Variants in SHANK2 observed in about 807,000 individuals in gnomAD.
The protein encoded by SHANK2 is SH3 and multiple ankyrin repeat domains protein 2.
In SHANK2, 43 loss-of-function variants were observed where a neutral mutation model predicts 133.7. That is an observed-to-expected ratio of 0.32 (90% CI 0.25 to 0.41). The LOEUF (loss-of-function observed/expected upper bound fraction) is 0.41. Ranked by LOEUF, SHANK2 falls within the 10% of genes least tolerant of loss-of-function variation. SHANK2 has a pLI of 1.00. For synonymous variants in SHANK2, 1,017 were observed against 952.8 expected, an observed-to-expected ratio of 1.07 and a Z score of -1.24; for missense variants, 1,994 against 2,235.8, an observed-to-expected ratio of 0.89 and a Z score of 2.18.
chr11:70,795,501 G>A (rs1022209588), intron 14 of SHANK2, among the ~76,000 whole-genome samples: 1 of 151,384 alleles, frequency 6.6e-6, no homozygotes, highest in East Asian at 1.9e-4. Context: ...CGCCTCCCAG[G>A]TTCAAGCAAT....
chr11:71,099,160 G>C (rs949930051), intron 6 of SHANK2, among the ~76,000 whole-genome samples: 12 of 152,142 alleles, frequency 7.9e-5, no homozygotes, highest in African/African-American at 1.9e-4. Flanking sequence ...CCAACAGGGA[G>C]AGCCTGGGAA....
rs1223042072 is a variant in SHANK2 at position 70,479,770 on chromosome 11, T to C, written c.4979+5544A>G. 6.6e-6 allele frequency among the ~76,000 whole-genome samples: 1 copy of C among 152,258 alleles called. No homozygotes were observed. The highest frequency in any genetic ancestry group is 1.5e-5 in the Non-Finnish European group (1 of 68,042). ...GCGATGGTAAAGAACATCAGATTTA[T>C]CTGGCTTTACTATCGGCGCCTGGTA... On this transcript the variant is annotated intron_variant, in intron 25 of 25. Transcript: ENST00000601538. The surrounding 1 kb of genome is among the most constrained non-coding windows in gnomAD (Gnocchi z 4.4).
Position 71,153,179 on chromosome 11 carries a change from C to T in SHANK2, c.-12-5841G>A, listed in dbSNP as rs542457504. Among the ~76,000 whole-genome samples, 757 of 151,986 alleles carry T rather than the reference C, an allele frequency of 5.0e-3. 4 individuals are homozygous for T. Among genetic ancestry groups the T allele is most frequent in the African/African-American group, 0.017 (722 of 41,418 alleles). On this transcript the variant is annotated intron_variant, in intron 2 of 25. Transcript: ENST00000601538. ...GAGAGAATGAAAGCAAAGCCGAAGA[C>T]GCAATCTGAAATCCTGGCTTCCCCA...
intron 17 of SHANK2, among the ~76,000 whole-genome samples, chr11:70,599,951 GA>G (rs2060468532): frequency 7.5e-6 from 1 of 132,480 alleles, no homozygotes; most frequent in African/African-American, 3.3e-5. Flanking sequence ...AAGAAAGAAA[GA>G]AAGAAAGAAA....
At chr11:70,502,964 G>A in intron 17 of SHANK2, 33 bp from the exon 18 acceptor site, 1 of 1,613,544 alleles carries the variant, frequency 6.2e-7, no homozygotes. Context: ...GCATCAGTGA[G>A]AGCCAGCGGA....
At chr11:71,201,203 C>T (rs181306052) in intron 2 of SHANK2, among the ~76,000 whole-genome samples, 164 of 152,342 alleles carry the variant, frequency 1.1e-3, no homozygotes, top group Middle Eastern at 3.4e-3. Flanking sequence ...TCCTTCTCCA[C>T]AGCAACCACG....
At chr11:70,950,172 C>T (rs1479285018) in intron 10 of SHANK2, 1 of 455,166 alleles carries the variant, frequency 2.2e-6, no homozygotes, top group African/African-American at 2.0e-5. Context: ...GATTCTCCTG[C>T]CTCAGCCTCC....
At chr11:70,869,728 T>C (rs1949427484) in intron 11 of SHANK2, among the ~76,000 whole-genome samples, 2 of 152,184 alleles carry the variant, frequency 1.3e-5, no homozygotes, top group South Asian at 4.2e-4. Flanking sequence ...GTCCCCATCA[T>C]CTCCTTGATT....
intron 11 of SHANK2, among the ~76,000 whole-genome samples, chr11:70,877,643 C>G (rs56226005): frequency 0.012 from 1,893 of 152,230 alleles, 14 homozygotes; most frequent in Non-Finnish European, 0.02. Flanking sequence ...AACATGAACA[C>G]CTTTGGCCAC....
intron 1 of SHANK2, among the ~76,000 whole-genome samples, chr11:71,251,095 CCCCCCCA>C (rs1302786295): frequency 6.6e-6 from 1 of 151,928 alleles, no homozygotes; most frequent in Non-Finnish European, 1.5e-5. Context: ...TTTCGCCTGA[CCCCCCCA>C]CCACCCACCC....
chr11:70,545,341 C>T (rs1554976108), intron 17 of SHANK2, among the ~76,000 whole-genome samples: 1 of 152,220 alleles, frequency 6.6e-6, no homozygotes, highest in Non-Finnish European at 1.5e-5. Context: ...ACATTCACGG[C>T]CCCTGACTCA....
intron 3 of SHANK2, among the ~76,000 whole-genome samples, chr11:71,138,630 AAT>A (rs141718998): frequency 0.035 from 5,311 of 151,954 alleles, 126 homozygotes; most frequent in Non-Finnish European, 0.055. Context: ...CTCTCTGGAC[AAT>A]ATAGTGAGAC....
Position 70,485,407 on chromosome 11 carries a change from G to A in SHANK2, c.4886C>T (p.Ser1629Phe), listed in dbSNP as rs538834133. 1 of 1,613,956 alleles carries A rather than the reference G, an allele frequency of 6.2e-7. No homozygotes were observed. Among genetic ancestry groups the A allele is most frequent in the African/African-American group, 1.3e-5 (1 of 74,940 alleles). ...CTCTCGGTTCATTTGCTGTAGGATA[G>A]AGTTCAATTCACTAATAACGTTTGC... is the stretch of plus-strand genomic sequence containing the variant. ...PKANVISELN[S>F]ILQQMNREKL... The change falls in exon 25 of 26, where the codon TCT becomes TTT. Residue 1629 changes from serine (S) to phenylalanine (F), a missense_variant. Coordinates refer to ENST00000601538, the MANE Select transcript of SHANK2 (RefSeq NM_012309.5). This position sits in a 1 kb window ranked among gnomAD's most constrained non-coding sequence, Gnocchi z 5.8.
intron 14 of SHANK2, among the ~76,000 whole-genome samples, chr11:70,752,505 T>C (rs2134903857): frequency 6.6e-6 from 1 of 151,256 alleles, no homozygotes; most frequent in Non-Finnish European, 1.5e-5. Context: ...GATCACAAGG[T>C]CAGGAGATCG....
chr11:70,887,363 A>T (rs868988783), intron 11 of SHANK2, among the ~76,000 whole-genome samples: 1 of 146,428 alleles, frequency 6.8e-6, no homozygotes, highest in Non-Finnish European at 1.5e-5. Context: ...GTCCCATTTA[A>T]TTTTTTTTTT....
At chr11:70,581,835 C>T (rs1554985549) in intron 17 of SHANK2, among the ~76,000 whole-genome samples, 1 of 152,262 alleles carries the variant, frequency 6.6e-6, no homozygotes, top group African/African-American at 2.4e-5. Flanking sequence ...TCTGCCAGCT[C>T]TGAGCTGTGT....
chr11:71,247,334 G>A (rs1263530606), intron 1 of SHANK2, among the ~76,000 whole-genome samples: 5 of 152,132 alleles, frequency 3.3e-5, no homozygotes, highest in African/African-American at 7.2e-5. Flanking sequence ...AATTTTAGAC[G>A]TTGACTTTAA....
chr11:71,065,975 T>G (rs1359870379), intron 9 of SHANK2, among the ~76,000 whole-genome samples: 5 of 50,534 alleles, frequency 9.9e-5, no homozygotes, highest in Non-Finnish European at 1.4e-4. Context: ...GAGCAGTGAG[T>G]GGGGAAGTTG....
rs992763472 is a variant in SHANK2, at chr11:70,739,871, G to A, written c.1778-41108C>T. 1.7e-4 allele frequency among the ~76,000 whole-genome samples: 26 copies of A among 152,210 alleles called. No homozygotes were observed. The highest frequency in any genetic ancestry group is 1.0e-3 in the Admixed American group (16 of 15,276). ...GGAGGCACCCACAGAGGACGGCCACGTGAAGACAGGCCAGAGCCGCCGCAG... is the reference window on the plus strand; with the variant it reads ...GGAGGCACCCACAGAGGACGGCCACATGAAGACAGGCCAGAGCCGCCGCAG... On this transcript the variant is annotated intron_variant, in intron 14 of 25. Coordinates refer to ENST00000601538, the MANE Select transcript of SHANK2 (RefSeq NM_012309.5). This position sits in a 1 kb window ranked among gnomAD's most constrained non-coding sequence, Gnocchi z 4.3.
Sources: gnomAD v4.1 joint callset for allele counts (sites outside exome capture counted in the v4.1 genomes callset) on GRCh38, gnomAD v4.1.1 for gene constraint, Gnocchi (gnomAD v3.1) non-coding constraint, MANE v1.5 for transcripts, NCBI Gene and HGNC (gene_info 2026-07-23, HGNC 2026-07-21) for gene names.